The following LOXHD1 variants were observed in gnomAD, a reference collection of about 807,000 sequenced individuals.
The protein encoded by LOXHD1 is lipoxygenase homology PLAT domains 1, also known as lipoxygenase homology domain-containing protein 1.
A neutral mutation model predicts 248.2 loss-of-function variants in LOXHD1; 205 were observed. The observed-to-expected ratio is 0.83, with a 90% CI of 0.74 to 0.93. LOXHD1 has a LOEUF of 0.93. LOXHD1 is among the 40% of genes least tolerant of loss of function. The pLI is 0.00. For missense variants in LOXHD1, 2,930 were observed against 2,971.6 expected (o/e 0.99, Z 0.33); for synonymous variants, 1,113 against 1,162.8 (o/e 0.96, Z 0.87).
Position 46,521,261 on chromosome 18 carries a change from G to A in LOXHD1, c.5107C>T (p.Pro1703Ser). Reference sequence around the variant, plus strand: ...TCTTCCACCAGCCAGCAGCTCTCAGGGGAGGCCCCGTCATGGCCCAGCTAG... The same window carrying A: ...TCTTCCACCAGCCAGCAGCTCTCAGAGGAGGCCCCGTCATGGCCCAGCTAG... ...KIELGHDGASPESCWLVEELC... is the reference protein window; with the variant it reads ...KIELGHDGASSESCWLVEELC... The change falls in exon 33 of 41, where the codon CCT (proline) becomes TCT (serine). Residue 1703 changes from proline to serine, a missense_variant. By Grantham distance (74) the Pro-to-Ser change is moderately conservative. Coordinates refer to ENST00000642948, the MANE Select transcript of LOXHD1 (RefSeq NM_001384474.1). The A allele has an allele frequency of 6.4e-7, 1 of 1,551,632 alleles. No individual in the cohort carries two copies. The highest frequency in any genetic ancestry group is 1.4e-5 in the African/African-American group (1 of 73,150).
intron 26 of LOXHD1, among the ~76,000 whole-genome samples, chr18:46,536,624 C>T (rs916420627): frequency 2.0e-4 from 31 of 152,208 alleles, no homozygotes; most frequent in Non-Finnish European, 3.5e-4. Context: ...CAGCCGCTGA[C>T]GGCATCAGGC....
chr18:46,528,054 C>A (rs1033231310), intron 29 of LOXHD1, among the ~76,000 whole-genome samples: 5 of 152,160 alleles, frequency 3.3e-5, no homozygotes, highest in Non-Finnish European at 7.3e-5. Context: ...CCTTTCTAAT[C>A]CCAGGGCTAA....
In LOXHD1 at chr18:46,477,319, G is replaced by A. The variant is rs1598793260; in HGVS notation, c.*153C>T. On this transcript the variant is annotated 3_prime_UTR_variant, in exon 41 of 41. Coordinates refer to ENST00000642948, the MANE Select transcript of LOXHD1 (RefSeq NM_001384474.1). Reference sequence around the variant, plus strand: ...ATCACTGTAGGTTCAATAAACTGGGGGTAGGGTGGGGAGCAGGACCCCATG... The same window carrying A: ...ATCACTGTAGGTTCAATAAACTGGGAGTAGGGTGGGGAGCAGGACCCCATG... 2.1e-6 allele frequency: 2 copies of A among 973,444 alleles called. No individual in the cohort carries two copies. Among genetic ancestry groups the A allele is most frequent in the African/African-American group, 1.6e-5 (1 of 62,164 alleles). 60.3% of individuals were successfully genotyped at this position (973,444 alleles called of 1,614,324 possible).
chr18:46,508,370 A>G (rs996435146), intron 35 of LOXHD1, among the ~76,000 whole-genome samples: 5 of 152,188 alleles, frequency 3.3e-5, no homozygotes, highest in African/African-American at 4.8e-5. Flanking sequence ...TGAGGTCATT[A>G]GAGTGGGCCC....
intron 38 of LOXHD1, among the ~76,000 whole-genome samples, chr18:46,486,659 G>A (rs1014789656): frequency 3.9e-5 from 6 of 152,126 alleles, no homozygotes; most frequent in African/African-American, 1.4e-4. Context: ...GAGGGATCCT[G>A]GGTGTGGTTA....
intron 25 of LOXHD1, among the ~76,000 whole-genome samples, chr18:46,540,195 T>C (rs2036497000): frequency 6.6e-6 from 1 of 152,212 alleles, no homozygotes. Flanking sequence ...ATGGTAGAAC[T>C]TGAACTCAAA....
At chr18:46,627,346 C>A (rs2038756791) in intron 4 of LOXHD1, among the ~76,000 whole-genome samples, 1 of 152,082 alleles carries the variant, frequency 6.6e-6, no homozygotes, top group African/African-American at 2.4e-5. Context: ...TCTCACTGGG[C>A]TCACACTGGC....
intron 20 of LOXHD1, chr18:46,558,084 T>C (rs762917892): frequency 1.0e-6 from 1 of 985,840 alleles, no homozygotes; most frequent in Non-Finnish European, 1.2e-6. Flanking sequence ...TTCTTGGATA[T>C]AACTTTTTTG....
chr18:46,489,455 G>A (rs956967540), intron 37 of LOXHD1, among the ~76,000 whole-genome samples: 1 of 152,108 alleles, frequency 6.6e-6, no homozygotes, highest in Non-Finnish European at 1.5e-5. Flanking sequence ...ATTTTACCAG[G>A]GAGAGAGCTC....
At chr18:46,492,269 A>G (rs1478507594) in intron 37 of LOXHD1, among the ~76,000 whole-genome samples, 1 of 152,208 alleles carries the variant, frequency 6.6e-6, no homozygotes, top group Non-Finnish European at 1.5e-5. Flanking sequence ...GCCTTAGCAG[A>G]TGTATTAGTT....
chr18:46,519,062 C>G, intron 33 of LOXHD1: 1 of 985,568 alleles, frequency 1.0e-6, no homozygotes, highest in East Asian at 1.1e-4. Context: ...CAAGCCCCCA[C>G]CTCGGTTCTT....
At chr18:46,567,291 G>A (rs1276377803) in intron 16 of LOXHD1, among the ~76,000 whole-genome samples, 2 of 152,234 alleles carry the variant, frequency 1.3e-5, no homozygotes, top group African/African-American at 4.8e-5. Flanking sequence ...TTAGCCATGA[G>A]TCTGGTGCCA....
intron 20 of LOXHD1, chr18:46,557,773 A>C (rs1598998112): frequency 2.9e-6 from 3 of 1,020,546 alleles, no homozygotes; most frequent in Non-Finnish European, 2.7e-6. Flanking sequence ...AGAAGAGAAG[A>C]TAGGTTTGCT....
Position 46,507,619 on chromosome 18 carries a change from C to T in LOXHD1, c.5611G>A (p.Glu1871Lys). The change falls in exon 36 of 41, where the codon GAA becomes AAA. Residue 1871 changes from glutamate (E) to lysine (K), a missense_variant. Transcript: ENST00000642948. Reference protein sequence around the residue: ...QRKGKKTLVCEMCAVIDEEEM... With the variant: ...QRKGKKTLVCKMCAVIDEEEM... ...TCCTCATCGATAACGGCACACATTT[C>T]ACACACCAGGGTCTTCTTGCCCTTC... The T allele has an allele frequency of 3.9e-6, 6 of 1,551,786 alleles. No homozygotes were observed. The highest frequency in any genetic ancestry group is 4.4e-6 in the Non-Finnish European group (5 of 1,147,016).
At chr18:46,605,320 A>T (rs1568213112) in intron 6 of LOXHD1, among the ~76,000 whole-genome samples, 1 of 152,154 alleles carries the variant, frequency 6.6e-6, no homozygotes, top group East Asian at 1.9e-4. Context: ...AGGTCAGGAG[A>T]TCAAGACCAT....
At chr18:46,595,526 G>T (rs1388816866) in intron 8 of LOXHD1, among the ~76,000 whole-genome samples, 1 of 152,214 alleles carries the variant, frequency 6.6e-6, no homozygotes, top group Non-Finnish European at 1.5e-5. Context: ...GCCCAAGTTA[G>T]CACCTTTAGT....
intron 1 of LOXHD1, among the ~76,000 whole-genome samples, chr18:46,651,695 G>A (rs558991064): frequency 4.0e-5 from 6 of 151,116 alleles, no homozygotes; most frequent in South Asian, 2.1e-4. Context: ...TGAGACCATC[G>A]AGAGAAAGGC....
rs2037924190 is a variant in LOXHD1, at chr18:46,579,623, A to G, written c.1809+7T>C. 6.4e-7 allele frequency: 1 copy of G among 1,551,576 alleles called. No individual in the cohort carries two copies. On this transcript the variant is annotated splice_region_variant and intron_variant, in intron 13 of 40. Transcript: ENST00000642948. Reference sequence around the variant, plus strand: ...GGGGATGAGTGGGGCACATTGCTGTAACTTACATTGCCCTTTTCAAACAGG... The same window carrying G: ...GGGGATGAGTGGGGCACATTGCTGTGACTTACATTGCCCTTTTCAAACAGG...
At chr18:46,634,276 A>G (rs2038864280) in intron 4 of LOXHD1, among the ~76,000 whole-genome samples, 1 of 152,244 alleles carries the variant, frequency 6.6e-6, no homozygotes, top group South Asian at 2.1e-4. Context: ...CACGTGCCAT[A>G]GCATGGATTA....
Sources: allele counts gnomAD v4.1 joint callset (sites outside exome capture counted in the v4.1 genomes callset), GRCh38; gene constraint gnomAD v4.1.1; transcripts MANE v1.5; gene names NCBI Gene and HGNC (gene_info 2026-07-23, HGNC 2026-07-21).